Variants in TACR1 observed in about 807,000 individuals in gnomAD.
TACR1 encodes the protein tachykinin receptor 1.
A neutral mutation model predicts 35.8 loss-of-function variants in TACR1; 25 were observed. The observed-to-expected ratio is 0.70, with a 90% CI of 0.51 to 0.98. The LOEUF is 0.98. TACR1 is among the 50% of genes least tolerant of loss of function. The pLI, the probability that TACR1 is intolerant of heterozygous loss-of-function variation, is 0.00. For missense variants in TACR1, 478 were observed against 522.9 expected, an observed-to-expected ratio of 0.91 and a Z score of 0.84; for synonymous variants, 195 against 206.7, an observed-to-expected ratio of 0.94 and a Z score of 0.48.
intron 1 of TACR1, among the ~76,000 whole-genome samples, chr2:75,127,857 A>G (rs1178430982): frequency 6.6e-6 from 1 of 152,248 alleles, no homozygotes; most frequent in African/African-American, 2.4e-5. Flanking sequence ...TGTGGATCAG[A>G]ACCCATCTCT....
chr2:75,157,728 C>G (rs959575467), intron 1 of TACR1, among the ~76,000 whole-genome samples: 6 of 152,204 alleles, frequency 3.9e-5, no homozygotes, highest in Non-Finnish European at 8.8e-5. Context: ...TAATCTTATT[C>G]AGGGAGATGT....
intron 1 of TACR1, among the ~76,000 whole-genome samples, chr2:75,168,739 C>A (rs1348579242): frequency 6.6e-6 from 1 of 152,086 alleles, no homozygotes; most frequent in Non-Finnish European, 1.5e-5. Flanking sequence ...GGCTGATTTG[C>A]TATCAGTAAT....
intron 2 of TACR1, among the ~76,000 whole-genome samples, chr2:75,119,921 A>G (rs780054914): frequency 2.0e-5 from 3 of 152,178 alleles, no homozygotes; most frequent in Non-Finnish European, 2.9e-5. Context: ...AGTGGCCAAT[A>G]AAGAGTACAT....
intron 2 of TACR1, among the ~76,000 whole-genome samples, chr2:75,088,850 T>G (rs1422775870): frequency 6.6e-6 from 1 of 152,116 alleles, no homozygotes; most frequent in African/African-American, 2.4e-5. Flanking sequence ...TGCAATTTCC[T>G]TCTCTCTAAT....
intron 1 of TACR1, among the ~76,000 whole-genome samples, chr2:75,124,682 C>T (rs1206844852): frequency 6.6e-6 from 1 of 152,186 alleles, no homozygotes; most frequent in African/African-American, 2.4e-5. Context: ...AAAACAGCCA[C>T]AGACAGCAAA....
intron 1 of TACR1, chr2:75,154,406 G>GCGCGCACACA (rs1264139655): frequency 1.3e-5 from 1 of 78,514 alleles, no homozygotes; most frequent in Non-Finnish European, 2.5e-5. Flanking sequence ...CCAAGAGCGC[G>GCGCGCACACA]CACGCACACA....
intron 2 of TACR1, among the ~76,000 whole-genome samples, chr2:75,101,119 T>G (rs896485808): frequency 1.3e-5 from 2 of 152,042 alleles, no homozygotes; most frequent in Non-Finnish European, 2.9e-5. Context: ...ACAAGTTGAT[T>G]ATTCACTGAG....
intron 1 of TACR1, among the ~76,000 whole-genome samples, chr2:75,171,774 A>T (rs577258252): frequency 2.6e-5 from 4 of 152,236 alleles, no homozygotes; most frequent in Admixed American, 2.6e-4. Context: ...GTTTTGGCCA[A>T]TTTCTCCCAC....
intron 1 of TACR1, among the ~76,000 whole-genome samples, chr2:75,194,811 G>A (rs1043601255): frequency 1.3e-5 from 2 of 152,122 alleles, no homozygotes; most frequent in Non-Finnish European, 2.9e-5. Flanking sequence ...CCCCTACCAG[G>A]TAGAGAAACA....
intron 1 of TACR1, among the ~76,000 whole-genome samples, chr2:75,131,470 T>G (rs918425745): frequency 6.6e-6 from 1 of 152,190 alleles, no homozygotes; most frequent in Non-Finnish European, 1.5e-5. Context: ...GTTGTGAATG[T>G]TATCATGGGT....
intron 1 of TACR1, among the ~76,000 whole-genome samples, chr2:75,152,480 A>G (rs4853112): frequency 0.71 from 108,247 of 151,906 alleles, 39,660 homozygotes; most frequent in African/African-American, 0.85. Context: ...AGTGTCTTTC[A>G]CCTCCCCCCA....
At chr2:75,056,698 C>T (rs1672575271) in intron 2 of TACR1, among the ~76,000 whole-genome samples, 2 of 152,184 alleles carry the variant, frequency 1.3e-5, no homozygotes, top group African/African-American at 2.4e-5. Flanking sequence ...TCATTATGAA[C>T]ATGCAAAGAT....
At chr2:75,097,416 C>G (rs995420585) in intron 2 of TACR1, among the ~76,000 whole-genome samples, 1 of 149,726 alleles carries the variant, frequency 6.7e-6, no homozygotes, top group African/African-American at 2.5e-5. Flanking sequence ...GAAACTATTT[C>G]TGTTCTGTAA....
chr2:75,120,161 ATTG>A (rs1448485703), intron 2 of TACR1, among the ~76,000 whole-genome samples: 1 of 152,112 alleles, frequency 6.6e-6, no homozygotes, highest in African/African-American at 2.4e-5. Flanking sequence ...CCCCTCAATC[ATTG>A]TTGAGAGCTG....
chr2:75,051,486 C>T (rs1207502969), intron 3 of TACR1, 39 bp from the exon 4 acceptor site: 4 of 1,609,844 alleles, frequency 2.5e-6, no homozygotes, highest in Non-Finnish European at 3.4e-6. Flanking sequence ...ACCAGCACAT[C>T]CCCCTCTCTC....
chr2:75,119,792 G>A (rs1673930210), intron 2 of TACR1, among the ~76,000 whole-genome samples: 1 of 152,144 alleles, frequency 6.6e-6, no homozygotes, highest in South Asian at 2.1e-4. Flanking sequence ...CTGGGTGTAG[G>A]TGTATTGTTT....
intron 2 of TACR1, among the ~76,000 whole-genome samples, chr2:75,119,930 A>C (rs186708709): frequency 1.3e-3 from 196 of 152,280 alleles, no homozygotes; most frequent in African/African-American, 4.5e-3. Flanking sequence ...TAAAGAGTAC[A>C]TTACCCAGGC....
intron 2 of TACR1, among the ~76,000 whole-genome samples, chr2:75,113,429 A>G (rs1673789856): frequency 6.6e-6 from 1 of 150,990 alleles, no homozygotes; most frequent in African/African-American, 2.4e-5. Flanking sequence ...GTTTGGCGCT[A>G]TCTGCACAAT....
chr2:75,160,945 A>C (rs1243386618), intron 1 of TACR1, among the ~76,000 whole-genome samples: 3 of 151,652 alleles, frequency 2.0e-5, no homozygotes, highest in Non-Finnish European at 4.4e-5. Context: ...TTTGCCTATA[A>C]AGGAAAAATA....
Sources: gnomAD v4.1 joint callset for allele counts (sites outside exome capture counted in the v4.1 genomes callset) on GRCh38, gnomAD v4.1.1 for gene constraint, MANE v1.5 for transcripts, NCBI Gene and HGNC (gene_info 2026-07-23, HGNC 2026-07-21) for gene names.